Variants in TMEM135 observed in about 807,000 individuals in gnomAD.
TMEM135 encodes peroxisomal membrane protein 52.
TMEM135 carries 30 observed loss-of-function variants against 60.3 expected under a neutral mutation model. That is an observed-to-expected ratio of 0.50 (90% CI 0.37 to 0.68). TMEM135 has a LOEUF of 0.68. TMEM135 is among the 30% of genes least tolerant of loss of function. TMEM135 has a pLI of 0.00. For missense variants in TMEM135, 468 were observed against 548.8 expected, an observed-to-expected ratio of 0.85 and a Z score of 1.47; for synonymous variants, 190 against 186.7, an observed-to-expected ratio of 1.02 and a Z score of -0.14.
intron 4 of TMEM135, among the ~76,000 whole-genome samples, chr11:87,138,608 TG>T: frequency 1.3e-5 from 2 of 152,288 alleles, no homozygotes; most frequent in Middle Eastern, 3.4e-3. Flanking sequence ...GTTTATCAGG[TG>T]TAAGTGGCAG....
At chr11:87,101,054 A>G (rs867310415) in intron 4 of TMEM135, among the ~76,000 whole-genome samples, 49 of 152,226 alleles carry the variant, frequency 3.2e-4, no homozygotes, top group African/African-American at 1.1e-3. Context: ...TATTAGAGTG[A>G]AAAGTACCCA....
intron 6 of TMEM135, among the ~76,000 whole-genome samples, chr11:87,270,981 T>C (rs1941851949): frequency 6.6e-6 from 1 of 152,176 alleles, no homozygotes; most frequent in African/African-American, 2.4e-5. Flanking sequence ...TTAGAAACTT[T>C]TTCAGATTCA....
chr11:87,246,275 G>T (rs10160654), intron 6 of TMEM135, among the ~76,000 whole-genome samples: 95,918 of 146,788 alleles, frequency 0.65, 31,988 homozygotes, highest in Non-Finnish European at 0.71. Context: ...CTCTCTGGCT[G>T]CCCTTAACAT....
rs773887505 is a variant in TMEM135, at chr11:87,323,152, A to G, written c.*1819A>G. 2 of 453,980 alleles carry G rather than the reference A, an allele frequency of 4.4e-6. No homozygotes were observed. The highest frequency in any genetic ancestry group is 8.8e-6 in the Non-Finnish European group (2 of 226,720). The allele number at this position is 453,980 out of a possible 1,614,324, so 28.1% of individuals were successfully genotyped here. On this transcript the variant is annotated 3_prime_UTR_variant, in exon 15 of 15. Coordinates refer to ENST00000305494, the MANE Select transcript of TMEM135 (RefSeq NM_022918.4). ...AGACTGTGATATTGAAAGATGAATT[A>G]CGAAATTTGCTGAGATTGTTTAGTA...
At position 87,328,394 on chromosome 11, in the gene TMEM135, G is replaced by A. The variant is rs1185538064; in HGVS notation, c.*7061G>A. ...TATTTCAGTAGCTTTTGGGGTACAA[G>A]TGGTTTTTGGTTGCATGGATGAATT... is the stretch of plus-strand genomic sequence containing the variant. On this transcript the variant is annotated 3_prime_UTR_variant, in exon 15 of 15. Transcript: ENST00000305494. The A allele has an allele frequency of 8.8e-6, 4 of 454,058 alleles. No homozygotes were observed. The highest frequency in any genetic ancestry group is 6.9e-5 in the East Asian group (1 of 14,394). 28.1% of individuals were successfully genotyped at this position (454,058 alleles called of 1,614,324 possible). A position where few individuals can be genotyped will look rare whatever the true frequency, so the allele number is the denominator to read the frequency against.
In TMEM135 at chr11:87,321,231, T is replaced by G. The variant is rs146982299; in HGVS notation, c.1275T>G (p.Asp425Glu). ...CTGTCATGAACCGAAAAGTCCTTGA[T>G]GTTTTTGGTACTGGTGCATCTAAAC... ...KFAVMNRKVL[D>E]VFGTGASKHF... The change falls in exon 15 of 15, where the codon GAT (aspartate) becomes GAG (glutamate). Residue 425 changes from aspartate to glutamate, a missense_variant. Physicochemically the swap from Asp to Glu is conservative, Grantham distance 45. Coordinates refer to ENST00000305494, the MANE Select transcript of TMEM135 (RefSeq NM_022918.4). 1.0e-4 allele frequency: 163 copies of G among 1,613,524 alleles called. 1 individual carries two copies. In the African/African-American group the frequency reaches 1.7e-3, roughly 17 times the overall value.
chr11:87,113,184 AAGAT>A (rs1439569930), intron 4 of TMEM135, among the ~76,000 whole-genome samples: 1 of 152,118 alleles, frequency 6.6e-6, no homozygotes, highest in Non-Finnish European at 1.5e-5. Context: ...CATTTGATGA[AAGAT>A]AGTTCACATT....
At chr11:87,235,290 G>C (rs186058386) in intron 5 of TMEM135, among the ~76,000 whole-genome samples, 2 of 151,840 alleles carry the variant, frequency 1.3e-5, no homozygotes, top group African/African-American at 4.8e-5. Flanking sequence ...AGGAAGGAAG[G>C]AGGGAAAGAG....
chr11:87,150,215 C>CAAAAA (rs200067307), intron 4 of TMEM135, among the ~76,000 whole-genome samples: 3 of 109,908 alleles, frequency 2.7e-5, no homozygotes, highest in Non-Finnish European at 3.9e-5. Context: ...AACTCTGTCT[C>CAAAAA]AAAAAAAAAA....
chr11:87,273,183 A>G (rs10898648), intron 6 of TMEM135, among the ~76,000 whole-genome samples: 1 of 151,954 alleles, frequency 6.6e-6, no homozygotes, highest in Non-Finnish European at 1.5e-5. Flanking sequence ...AAAGACTTAG[A>G]TTCTAAATCT....
intron 6 of TMEM135, among the ~76,000 whole-genome samples, chr11:87,262,181 T>A (rs1044160757): frequency 6.6e-6 from 1 of 152,148 alleles, no homozygotes; most frequent in African/African-American, 2.4e-5. Flanking sequence ...ACATTGTTTT[T>A]AAAATATCTT....
chr11:87,099,683 T>C (rs1051807139), intron 4 of TMEM135, among the ~76,000 whole-genome samples: 1 of 41,832 alleles, frequency 2.4e-5, no homozygotes, highest in African/African-American at 1.8e-4. Flanking sequence ...TTCATGGTGG[T>C]TTTTTTTTTT....
chr11:87,276,448 C>T (rs954600596), intron 6 of TMEM135, among the ~76,000 whole-genome samples: 2 of 151,834 alleles, frequency 1.3e-5, no homozygotes, highest in African/African-American at 4.8e-5. Flanking sequence ...GGTCTTCTTA[C>T]TTTAATCTTA....
intron 5 of TMEM135, among the ~76,000 whole-genome samples, chr11:87,229,803 A>G (rs1313661692): frequency 6.6e-6 from 1 of 152,202 alleles, no homozygotes; most frequent in Non-Finnish European, 1.5e-5. Context: ...AGGTATGTAC[A>G]TACTCATACA....
At chr11:87,267,639 G>GA in intron 6 of TMEM135, among the ~76,000 whole-genome samples, 1 of 152,210 alleles carries the variant, frequency 6.6e-6, no homozygotes, top group Admixed American at 6.5e-5. Context: ...TGAAAGTATA[G>GA]AATTATATAC....
intron 6 of TMEM135, among the ~76,000 whole-genome samples, chr11:87,247,080 C>G (rs995979937): frequency 1.3e-5 from 2 of 149,646 alleles, no homozygotes; most frequent in Admixed American, 6.7e-5. Flanking sequence ...AGACAGGACG[C>G]TCAGCTGCAG....
intron 5 of TMEM135, among the ~76,000 whole-genome samples, chr11:87,220,760 T>G (rs767708425): frequency 9.9e-5 from 15 of 152,108 alleles, no homozygotes; most frequent in Non-Finnish European, 7.4e-5. Flanking sequence ...AATCTGAGAG[T>G]TGGATAAGAG....
At chr11:87,248,598 G>C (rs1402918085) in intron 6 of TMEM135, among the ~76,000 whole-genome samples, 1 of 149,652 alleles carries the variant, frequency 6.7e-6, no homozygotes, top group Admixed American at 6.7e-5. Flanking sequence ...GGCTATTTTT[G>C]GTCATTTGTG....
chr11:87,210,993 C>A (rs1232773526), intron 5 of TMEM135, among the ~76,000 whole-genome samples: 1 of 152,102 alleles, frequency 6.6e-6, no homozygotes, highest in Non-Finnish European at 1.5e-5. Flanking sequence ...AAATAATATA[C>A]CTTAAAGTGA....
Sources: allele counts gnomAD v4.1 joint callset (sites outside exome capture counted in the v4.1 genomes callset), GRCh38; gene constraint gnomAD v4.1.1; transcripts MANE v1.5; gene names NCBI Gene and HGNC (gene_info 2026-07-23, HGNC 2026-07-21).